Variants in PODXL observed in about 807,000 individuals in gnomAD.
The protein encoded by PODXL is podocalyxin like.
Under a neutral mutation model 48.9 loss-of-function variants are expected in PODXL, and 20 were observed. The ratio of observed to expected loss-of-function variants is 0.41; its 90% confidence interval spans 0.29 to 0.59. The LOEUF is 0.59. PODXL is among the 20% of genes least tolerant of loss of function. The pLI is 0.31. For missense variants in PODXL, 606 were observed against 675.1 expected (o/e 0.90, Z 1.13); for synonymous variants, 295 against 287.4 (o/e 1.03, Z -0.27).
At chr7:131,556,225 TG>T in intron 1 of PODXL, 34 bp downstream of exon 1, 14 of 1,442,226 alleles carry the variant, frequency 9.7e-6, no homozygotes, top group Admixed American at 2.7e-5. Flanking sequence ...ATGGGCACGG[TG>T]GGAGTCCCGG....
chr7:131,509,532 T>C lies in PODXL; in HGVS notation c.856A>G (p.Ser286Gly), dbSNP rs141183338. ...TQQTSSQMPA[S>G]STAPSSQETV... ...TCCTGGGAGGAAGGGGCCGTAGAGC[T>C]GGCTGGCATCTGACTGGAGGTCTGT... The change falls in exon 4 of 9, where the codon AGC becomes GGC. Residue 286 changes from serine (S) to glycine (G), a missense_variant. By Grantham distance (56) the Ser-to-Gly change is moderately conservative. Coordinates refer to ENST00000378555, the MANE Select transcript of PODXL (RefSeq NM_001018111.3). 3.7e-4 allele frequency: 587 copies of C among 1,602,308 alleles called. 6 individuals are homozygous for C. In the South Asian group the frequency reaches 6.0e-3, roughly 16 times the overall value.
At position 131,501,148 on chromosome 7, in the gene PODXL, A is replaced by G. The variant is rs1034028206; in HGVS notation, c.*3163T>C. 2 of 152,556 alleles carry G rather than the reference A, an allele frequency of 1.3e-5. No homozygotes were observed. Among genetic ancestry groups the G allele is most frequent in the Non-Finnish European group, 2.9e-5 (2 of 68,022 alleles). The allele number at this position is 152,556 out of a possible 1,614,324, so 9.5% of individuals were successfully genotyped here. A position where few individuals can be genotyped will look rare whatever the true frequency, so the allele number is the denominator to read the frequency against. On this transcript the variant is annotated 3_prime_UTR_variant, in exon 9 of 9. Transcript: ENST00000378555. ...ACCTGATCTACAAGACAAATACTTTATCATAAGTTTGTCTTGTTATATTTC... is the reference window on the plus strand; with the variant it reads ...ACCTGATCTACAAGACAAATACTTTGTCATAAGTTTGTCTTGTTATATTTC...
Position 131,509,570 on chromosome 7 carries a change from G to A in PODXL, c.818C>T (p.Ser273Leu), listed in dbSNP as rs147379975. Reference sequence around the variant, plus strand: ...ACTGGAGGTCTGTTGAGTTCTTTGCGAGATAACCGATGACGCTGTCATTGG... The same window carrying A: ...ACTGGAGGTCTGTTGAGTTCTTTGCAAGATAACCGATGACGCTGTCATTGG... ...SAGITASSVI[S>L]QRTQQTSSQM... The change falls in exon 4 of 9, where the codon TCG becomes TTG. Residue 273 changes from serine (S) to leucine (L), a missense_variant. Transcript: ENST00000378555. 5.9e-4 allele frequency: 909 copies of A among 1,553,220 alleles called. 6 individuals carry two copies. The African/African-American group carries it at 0.011, about 19-fold the overall frequency.
chr7:131,556,150 G>A, intron 1 of PODXL, 110 bp downstream of exon 1: 1 of 1,310,892 alleles, frequency 7.6e-7, no homozygotes, highest in Non-Finnish European at 9.7e-7. Context: ...GCGGTGATAG[G>A]GCTGCTCGGG....
At chr7:131,534,104 T>C (rs2116840642) in intron 1 of PODXL, among the ~76,000 whole-genome samples, 1 of 151,910 alleles carries the variant, frequency 6.6e-6, no homozygotes, top group East Asian at 2.0e-4. Flanking sequence ...CCTCCACTCC[T>C]CCTCCACTCC....
At chr7:131,519,849 G>A (rs1798065130) in intron 1 of PODXL, among the ~76,000 whole-genome samples, 1 of 151,864 alleles carries the variant, frequency 6.6e-6, no homozygotes, top group Non-Finnish European at 1.5e-5. Context: ...CAGCCTCCTG[G>A]GTAGCTGGGA....
At chr7:131,516,502 G>C (rs951072980) in intron 1 of PODXL, among the ~76,000 whole-genome samples, 5 of 152,222 alleles carry the variant, frequency 3.3e-5, no homozygotes, top group Admixed American at 6.5e-5. Flanking sequence ...GGGAGACAGA[G>C]AGATACTGTG....
intron 1 of PODXL, among the ~76,000 whole-genome samples, chr7:131,550,760 C>T (rs745731070): frequency 4.7e-4 from 72 of 152,212 alleles, no homozygotes; most frequent in Admixed American, 7.8e-4. Flanking sequence ...GACACGTATG[C>T]GCACATGCAC....
At chr7:131,528,674 T>A (rs528514824) in intron 1 of PODXL, among the ~76,000 whole-genome samples, 1 of 152,204 alleles carries the variant, frequency 6.6e-6, no homozygotes, top group African/African-American at 2.4e-5. Context: ...TTAAAGTTAA[T>A]GCAATCGGCC....
At chr7:131,511,480 C>G (rs1452104075) in intron 1 of PODXL, 47 bp from the exon 2 acceptor site, 1 of 1,582,376 alleles carries the variant, frequency 6.3e-7, no homozygotes, top group South Asian at 1.1e-5. Flanking sequence ...GGGAGGCTTC[C>G]TCACCACGCT....
intron 1 of PODXL, among the ~76,000 whole-genome samples, chr7:131,512,705 T>C (rs1200213359): frequency 6.6e-6 from 1 of 152,122 alleles, no homozygotes; most frequent in Non-Finnish European, 1.5e-5. Context: ...CAGCCGGGTG[T>C]GGTGGCTCAT....
chr7:131,506,110 T>C (rs1459563056), intron 7 of PODXL, 75 bp from the exon 8 acceptor site: 30 of 1,561,012 alleles, frequency 1.9e-5, no homozygotes, highest in Non-Finnish European at 2.5e-5. Flanking sequence ...GTAGAGCCCC[T>C]CCGCTTGCAG....
chr7:131,548,488 T>G (rs1271378185), intron 1 of PODXL, among the ~76,000 whole-genome samples: 1 of 152,240 alleles, frequency 6.6e-6, no homozygotes, highest in Non-Finnish European at 1.5e-5. Context: ...ATGTGGTTTC[T>G]GGGAGGCACA....
At chr7:131,547,939 G>T (rs541434454) in intron 1 of PODXL, among the ~76,000 whole-genome samples, 1 of 152,198 alleles carries the variant, frequency 6.6e-6, no homozygotes, top group Non-Finnish European at 1.5e-5. Context: ...GAGAGATGGG[G>T]AGCAGAAACA....
At chr7:131,505,807 G>A (rs1346164265) in intron 8 of PODXL, 61 bp downstream of exon 8, 10 of 1,460,276 alleles carry the variant, frequency 6.8e-6, no homozygotes, top group African/African-American at 2.8e-5. Context: ...GGAATCACGA[G>A]GGGAGGGTTC....
chr7:131,509,977 G>A (rs968602827), intron 3 of PODXL, among the ~76,000 whole-genome samples: 12 of 152,128 alleles, frequency 7.9e-5, no homozygotes, highest in African/African-American at 2.7e-4. Flanking sequence ...TATCTCAGCC[G>A]GAGCCCGCAC....
intron 1 of PODXL, among the ~76,000 whole-genome samples, chr7:131,535,006 C>T (rs532371171): frequency 1.2e-4 from 19 of 152,140 alleles, no homozygotes; most frequent in Non-Finnish European, 1.2e-4. Context: ...GAGCCAAGAT[C>T]GGGCCACTGC....
chr7:131,504,271 G>T lies in PODXL; in HGVS notation c.*40C>A. The T allele has an allele frequency of 6.4e-7, 1 of 1,570,972 alleles. No homozygotes were observed. On this transcript the variant is annotated 3_prime_UTR_variant, in exon 9 of 9. Coordinates refer to ENST00000378555, the MANE Select transcript of PODXL (RefSeq NM_001018111.3). ...AAACGGCACTTGGGGTGGTTGGTCTGGAGCTCTGTGGTGCTGCTGGAGGCC... is the reference window on the plus strand; with the variant it reads ...AAACGGCACTTGGGGTGGTTGGTCTTGAGCTCTGTGGTGCTGCTGGAGGCC...
In PODXL at chr7:131,506,005, G is replaced by C. The variant is rs763764140; in HGVS notation, c.1342C>G (p.Gln448Glu). Reference sequence around the variant, plus strand: ...TCCTCGGCCTCCTCCGGTGGCCCCTGGTCCCCTAGCTTCATGTCACTGACC... The same window carrying C: ...TCCTCGGCCTCCTCCGGTGGCCCCTCGTCCCCTAGCTTCATGTCACTGACC... The part of the protein sequence containing the change: ...AGVSDMKLGD[Q>E]GPPEEAEDRF... Residue 448 changes from glutamine to glutamate, a missense_variant, in exon 8 of 9, where the codon CAG (glutamine) becomes GAG (glutamate). Transcript: ENST00000378555. 12 of 1,612,684 alleles carry C rather than the reference G, an allele frequency of 7.4e-6. No individual in the cohort carries two copies. The highest frequency in any genetic ancestry group is 1.6e-4 in the Middle Eastern group (1 of 6,084).
Sources: gnomAD v4.1 joint callset for allele counts (sites outside exome capture counted in the v4.1 genomes callset) on GRCh38, gnomAD v4.1.1 for gene constraint, MANE v1.5 for transcripts, NCBI Gene and HGNC (gene_info 2026-07-23, HGNC 2026-07-21) for gene names.